Variants in PLA2G4B observed in about 807,000 individuals in gnomAD.
PLA2G4B encodes the protein phospholipase A2 group IVB, also known as cytosolic phospholipase A2 beta.
Under a neutral mutation model 95.8 loss-of-function variants are expected in PLA2G4B, and 122 were observed. The observed-to-expected ratio is 1.27, with a 90% CI of 1.10 to 1.48. The LOEUF (loss-of-function observed/expected upper bound fraction) is 1.48. PLA2G4B is among the 40% of genes most tolerant of loss of function. The pLI is 0.00. For missense variants in PLA2G4B, 1,158 were observed against 996.2 expected, an observed-to-expected ratio of 1.16 and a Z score of -2.19; for synonymous variants, 518 against 421.5, an observed-to-expected ratio of 1.23 and a Z score of -2.80.
chr15:41,846,867 C>T lies in PLA2G4B; in HGVS notation c.1947+32C>T, dbSNP rs200612652. 3.7e-5 allele frequency: 58 copies of T among 1,582,890 alleles called. 1 individual carries two copies. Among genetic ancestry groups the T allele is most frequent in the South Asian group, 2.5e-4 (22 of 87,452 alleles). On this transcript the variant is annotated intron_variant, in intron 18 of 19. Transcript: ENST00000458483. ...AAGGGTGGGCAGCCCACCAGGGAGGCGGTGGGTGGCCCCTGTCCCCTGAAG... is the reference window on the plus strand; with the variant it reads ...AAGGGTGGGCAGCCCACCAGGGAGGTGGTGGGTGGCCCCTGTCCCCTGAAG...
chr15:41,844,210 G>T (rs914021972), intron 11 of PLA2G4B, among the ~76,000 whole-genome samples: 1 of 152,202 alleles, frequency 6.6e-6, no homozygotes, highest in African/African-American at 2.4e-5. Flanking sequence ...GAAAGTGAGC[G>T]TCAGGCTCGG....
chr15:41,842,984 G>A (rs757015524), intron 10 of PLA2G4B: 3 of 210,788 alleles, frequency 1.4e-5, no homozygotes, highest in Non-Finnish European at 2.8e-5. Flanking sequence ...AATGATCTTC[G>A]TAGAGTTGTC....
intron 19 of PLA2G4B, 27 bp from the exon 20 acceptor site, chr15:41,847,622 C>A: frequency 6.2e-7 from 1 of 1,613,480 alleles, no homozygotes; most frequent in Non-Finnish European, 8.5e-7. Flanking sequence ...AACGTGTTCC[C>A]CATGCCAGGC....
rs1356723219 is a variant in PLA2G4B, at chr15:41,845,939, T to G, written c.1496-4T>G. ...GCCCTCTTCCCTCACGGCCGCTCTT[T>G]CAGGTATCTGGAGCAACCTGTATGC... is the stretch of plus-strand genomic sequence containing the variant. On this transcript the variant is annotated splice_region_variant and splice_polypyrimidine_tract_variant and intron_variant, in intron 15 of 19. Transcript: ENST00000458483. 1.3e-6 allele frequency: 2 copies of G among 1,514,692 alleles called. No homozygotes were observed. The highest frequency in any genetic ancestry group is 1.8e-6 in the Non-Finnish European group (2 of 1,131,958). The allele number at this position is 1,514,692 out of a possible 1,614,324, so 93.8% of individuals were successfully genotyped here.
chr15:41,845,605 GCA>G, intron 14 of PLA2G4B, 31 bp from the exon 15 acceptor site: 1 of 1,613,568 alleles, frequency 6.2e-7, no homozygotes, highest in East Asian at 2.2e-5. Context: ...TAAGGGCTCT[GCA>G]CCATGAGGCT....
rs2065536791 is a variant in PLA2G4B, at chr15:41,846,056, T to C, written c.1600+9T>C. 2.5e-6 allele frequency: 4 copies of C among 1,568,694 alleles called. No homozygotes were observed. Among genetic ancestry groups the C allele is most frequent in the Non-Finnish European group, 3.5e-6 (4 of 1,156,050 alleles). On this transcript the variant is annotated intron_variant, in intron 16 of 19. Coordinates refer to ENST00000458483, the MANE Select transcript of PLA2G4B (RefSeq NM_001114633.2). ...GAACCAGGCCAACCTGGGTAAGTGC[T>C]CCGGGCCCTTCATAAGGGTGCCAAG... is the stretch of plus-strand genomic sequence containing the variant.
chr15:41,841,023 C>T (rs1277039394), intron 4 of PLA2G4B, 32 bp from the exon 5 acceptor site: 4 of 1,568,892 alleles, frequency 2.5e-6, no homozygotes, highest in Admixed American at 1.8e-5. Flanking sequence ...TCCTTCTGAC[C>T]CTTTCTAACT....
intron 16 of PLA2G4B, 67 bp from the exon 17 acceptor site, chr15:41,846,136 C>A (rs2065538548): frequency 5.0e-6 from 8 of 1,589,084 alleles, no homozygotes; most frequent in Non-Finnish European, 5.2e-6. Context: ...TCTTCCCCCT[C>A]CAGGGTCACC....
rs150289472 is a variant in PLA2G4B at position 41,841,591 on chromosome 15, G to A, written c.490+20G>A. 2.4e-3 allele frequency: 3,915 copies of A among 1,613,892 alleles called. 41 individuals carry two copies. Among genetic ancestry groups the A allele is most frequent in the South Asian group, 0.024 (2,186 of 91,058 alleles). On this transcript the variant is annotated intron_variant, in intron 7 of 19. Transcript: ENST00000458483. ...AGAAGTGTGAGTCCCCAACCCACTG[G>A]GACAGCCCCTGGCTCTCAGCTCTTG...
chr15:41,843,692 G>T lies in PLA2G4B; in HGVS notation c.760G>T (p.Val254Leu), dbSNP rs572516362. Residue 254 changes from valine to leucine, a missense_variant, in exon 11 of 20, where the codon GTG (valine) becomes TTG (leucine). Transcript: ENST00000458483. ...KKEAGLRELA[V>L]RLGFGPCAEE... Reference sequence around the variant, plus strand: ...CCCGGCCAGACTGAGGGAGCTGGCCGTGCGACTGGGCTTCGGGCCCTGTGC... The same window carrying T: ...CCCGGCCAGACTGAGGGAGCTGGCCTTGCGACTGGGCTTCGGGCCCTGTGC... The T allele has an allele frequency of 1.9e-6, 3 of 1,613,594 alleles. No individual in the cohort carries two copies. Among genetic ancestry groups the T allele is most frequent in the African/African-American group, 1.3e-5 (1 of 75,056 alleles).
At chr15:41,843,864 C>A in intron 11 of PLA2G4B, 53 bp downstream of exon 11, 1 of 1,598,864 alleles carries the variant, frequency 6.3e-7, no homozygotes. Context: ...GGCCTAGCTC[C>A]TGGTGCTGAA....
Position 41,846,650 on chromosome 15 carries a change from G to A in PLA2G4B, c.1781-19G>A. 1.3e-6 allele frequency: 2 copies of A among 1,587,142 alleles called. No individual in the cohort carries two copies. Among genetic ancestry groups the A allele is most frequent in the Non-Finnish European group, 1.7e-6 (2 of 1,161,934 alleles). On this transcript the variant is annotated intron_variant, in intron 17 of 19. Transcript: ENST00000458483. ...ACCCTTGGTATCTGTGACAATTGCT[G>A]CTCTCCCCAACCTTCCAGCTACCAC...
In PLA2G4B at chr15:41,840,809, G is replaced by A. The variant is rs2065415641; in HGVS notation, c.255G>A (p.Leu85=). 6.2e-7 allele frequency: 1 copy of A among 1,614,044 alleles called. No individual in the cohort carries two copies. The highest frequency in any genetic ancestry group is 1.3e-5 in the African/African-American group (1 of 75,030). Residue 85 remains leucine (L), a synonymous_variant, in exon 4 of 20, where the codon CTG becomes CTA. Coordinates refer to ENST00000458483, the MANE Select transcript of PLA2G4B (RefSeq NM_001114633.2). ...AACTGAAAGTCTTTGACCAGGACCT[G>A]GTGACCGGAGATGACCCTGTGTTGT... is the stretch of plus-strand genomic sequence containing the variant. ...VMELKVFDQD[L]VTGDDPVLSV...
chr15:41,842,805 C>T (rs903652307), intron 10 of PLA2G4B: 11 of 621,596 alleles, frequency 1.8e-5, no homozygotes, highest in African/African-American at 1.5e-4. Context: ...GTGACCGGCC[C>T]AGTGCCAGGC....
At chr15:41,842,106 C>T (rs1567169963) in intron 8 of PLA2G4B, 87 bp from the exon 9 acceptor site, 2 of 1,588,678 alleles carry the variant, frequency 1.3e-6, no homozygotes, top group African/African-American at 1.3e-5. Context: ...TCCCATAACT[C>T]TATGGCTGCC....
At position 41,847,379 on chromosome 15, in the gene PLA2G4B, C is replaced by G; in HGVS notation, c.1990C>G (p.Pro664Ala). The G allele has an allele frequency of 6.2e-7, 1 of 1,611,044 alleles. No homozygotes were observed. Among genetic ancestry groups the G allele is most frequent in the East Asian group, 2.2e-5 (1 of 44,842 alleles). ...LGRFCQEQGI[P>A]FPPISPSPEE... is the part of the protein sequence containing the mutation. ...CCGGTTCTGCCAGGAGCAGGGGATC[C>G]CGTTCCCACCCATCTCGCCCAGCCC... Residue 664 changes from proline (P) to alanine (A), a missense_variant, in exon 19 of 20, where the codon CCG (proline) becomes GCG (alanine). Pro to Ala is a conservative substitution (Grantham distance 27). Coordinates refer to ENST00000458483, the MANE Select transcript of PLA2G4B (RefSeq NM_001114633.2).
Position 41,840,760 on chromosome 15 carries a change from CTT to C in PLA2G4B, c.220-11_220-10del. On this transcript the variant is annotated splice_polypyrimidine_tract_variant and intron_variant, in intron 3 of 19. Coordinates refer to ENST00000458483, the MANE Select transcript of PLA2G4B (RefSeq NM_001114633.2). ...CCCTCCCTCCTGCAGCCCTGTCACT[CTT>C]TTCCCCTCCAGAATGTCATGGAACT... 9 of 1,612,972 alleles carry C rather than the reference CTT, an allele frequency of 5.6e-6. No individual in the cohort carries two copies. Among genetic ancestry groups the C allele is most frequent in the Non-Finnish European group, 7.6e-6 (9 of 1,179,232 alleles).
chr15:41,846,748 C>CAATA lies in PLA2G4B; in HGVS notation c.1861_1864dup (p.Thr622LysfsTer179). 1 of 1,614,036 alleles carries CAATA rather than the reference C, an allele frequency of 6.2e-7. No homozygotes were observed. Among genetic ancestry groups the CAATA allele is most frequent in the Non-Finnish European group, 8.5e-7 (1 of 1,179,984 alleles). On this transcript the variant is annotated frameshift_variant, in exon 18 of 20. Transcript: ENST00000458483. LOFTEE classifies it high-confidence loss of function. The stretch of plus-strand genomic sequence containing the variant: ...GCCTGCTGGATGTTGGCTACCTCAT[C>CAATA]AATACCAGCTGCCTGCCCCTCCTGC...
rs200628246 is a variant in PLA2G4B, at chr15:41,844,906, A to C, written c.1075A>C (p.Thr359Pro). 4.3e-6 allele frequency: 7 copies of C among 1,611,948 alleles called. No individual in the cohort carries two copies. Among genetic ancestry groups the C allele is most frequent in the Middle Eastern group, 1.7e-4 (1 of 6,020 alleles). Residue 359 changes from threonine (T) to proline (P), a missense_variant, in exon 13 of 20, where the codon ACT becomes CCT. Transcript: ENST00000458483. ...EWSQKDLAGPTELLKTQVTKN... is the reference protein window; with the variant it reads ...EWSQKDLAGPPELLKTQVTKN... The stretch of plus-strand genomic sequence containing the variant: ...GTCTCAGAAGGACCTGGCAGGGCCC[A>C]CTGAGTTGCTGAAGACCCAGGTGAC...
Sources: gnomAD v4.1 joint callset for allele counts (sites outside exome capture counted in the v4.1 genomes callset) on GRCh38, gnomAD v4.1.1 for gene constraint, MANE v1.5 for transcripts, NCBI Gene and HGNC (gene_info 2026-07-23, HGNC 2026-07-21) for gene names.